The following EHD3 variants were observed in gnomAD, a reference collection of about 807,000 sequenced individuals.
EHD3 encodes EH domain containing 3, also known as EH domain-containing protein 3.
A neutral mutation model predicts 43.0 loss-of-function variants in EHD3; 17 were observed. The ratio of observed to expected loss-of-function variants is 0.40; its 90% CI spans 0.27 to 0.59. The LOEUF is 0.59. Ranked by LOEUF, EHD3 falls within the 20% of genes least tolerant of loss-of-function variation. The pLI is 0.49. For synonymous variants in EHD3, 313 were observed against 289.5 expected (o/e 1.08, Z -0.82); for missense variants, 594 against 705.6 (o/e 0.84, Z 1.79).
chr2:31,252,388 A>G (rs612500), intron 3 of EHD3, among the ~76,000 whole-genome samples: 22,365 of 152,214 alleles, frequency 0.15, 1,967 homozygotes, highest in African/African-American at 0.23. Flanking sequence ...TGTATGTGGC[A>G]GGCTGGTTCC....
In EHD3 at chr2:31,266,589, A is replaced by G. The variant is rs1683955837; in HGVS notation, c.1493A>G (p.Asp498Gly). 1 of 1,614,176 alleles carries G rather than the reference A, an allele frequency of 6.2e-7. No individual in the cohort carries two copies. Among genetic ancestry groups the G allele is most frequent in the Non-Finnish European group, 8.5e-7 (1 of 1,180,030 alleles). The change falls in exon 6 of 6, where the codon GAC (aspartate) becomes GGC (glycine). Residue 498 changes from aspartate (D) to glycine (G), a missense_variant. Asp to Gly is a moderately conservative substitution (Grantham distance 94, BLOSUM62 -1). Coordinates refer to ENST00000322054, the MANE Select transcript of EHD3 (RefSeq NM_014600.3). The surrounding 1 kb of genome is among the most constrained non-coding windows in gnomAD (Gnocchi z 5.1). ...ATTGACAAGGATGGCATGCTGGACG[A>G]CGACGAGTTTGCACTGGCCAACCAC... ...ADIDKDGMLD[D>G]DEFALANHLI... is the part of the protein sequence containing the mutation.
intron 1 of EHD3, among the ~76,000 whole-genome samples, chr2:31,241,922 A>G (rs1206729690): frequency 6.6e-6 from 1 of 152,206 alleles, no homozygotes; most frequent in African/African-American, 2.4e-5. Flanking sequence ...ACCAGGGGAA[A>G]TCCTGCCCTC....
intron 2 of EHD3, among the ~76,000 whole-genome samples, chr2:31,248,642 G>C (rs1683574726): frequency 6.6e-6 from 1 of 152,198 alleles, no homozygotes; most frequent in Admixed American, 6.5e-5. Context: ...GCTGGGGCTG[G>C]GATTCTGGCC....
At chr2:31,248,030 T>C (rs1024942858) in intron 2 of EHD3, among the ~76,000 whole-genome samples, 1 of 152,166 alleles carries the variant, frequency 6.6e-6, no homozygotes, top group Non-Finnish European at 1.5e-5. Context: ...GCCAGGCATG[T>C]CCATTGAAAC....
chr2:31,234,646 G>C lies in EHD3; in HGVS notation c.25G>C (p.Asp9His). 6.2e-7 allele frequency: 1 copy of C among 1,613,992 alleles called. No individual in the cohort carries two copies. Among genetic ancestry groups the C allele is most frequent in the Non-Finnish European group, 8.5e-7 (1 of 1,180,012 alleles). Residue 9 changes from aspartate (D) to histidine (H), a missense_variant, in exon 1 of 6, where the codon GAC becomes CAC. Asp to His is a moderately conservative substitution (Grantham distance 81, BLOSUM62 -1). This residue lies in a region of EHD3 where 243 missense variants were observed against 296.7 expected (regional missense o/e 0.82). Coordinates refer to ENST00000322054, the MANE Select transcript of EHD3 (RefSeq NM_014600.3). ...GATGTTCAGCTGGCTGGGTACGGAC[G>C]ACCGCCGGAGGAAGGACCCCGAGGT... Reference protein sequence around the residue: MFSWLGTDDRRRKDPEVFQ... With the variant: MFSWLGTDHRRRKDPEVFQ...
chr2:31,261,055 G>A, intron 4 of EHD3, 133 bp downstream of exon 4: 1 of 1,024,588 alleles, frequency 9.8e-7, no homozygotes. Flanking sequence ...GGACAGTGCG[G>A]GAGCCATGGT....
chr2:31,263,973 A>G (rs1388482976), intron 5 of EHD3, among the ~76,000 whole-genome samples: 3 of 152,218 alleles, frequency 2.0e-5, no homozygotes, highest in African/African-American at 4.8e-5. Context: ...TGAAGGCAAG[A>G]GGAGCTCTTT....
rs757688413 is a variant in EHD3, at chr2:31,234,577, G to A, written c.-45G>A. ...CTACGGGACATCTTCCCCTGAGGAG[G>A]AGTCTTCCCCTGGGGCTGCGTGCCG... On this transcript the variant is annotated 5_prime_UTR_variant, in exon 1 of 6. Coordinates refer to ENST00000322054, the MANE Select transcript of EHD3 (RefSeq NM_014600.3). The A allele has an allele frequency of 6.2e-7, 1 of 1,602,606 alleles. No homozygotes were observed. The highest frequency in any genetic ancestry group is 8.5e-7 in the Non-Finnish European group (1 of 1,173,076).
chr2:31,249,288 G>C, intron 2 of EHD3, 83 bp from the exon 3 acceptor site: 2 of 1,262,882 alleles, frequency 1.6e-6, no homozygotes, highest in South Asian at 2.5e-5. Flanking sequence ...TCACCTGAGA[G>C]AGACAAGACA....
chr2:31,255,330 G>A (rs1466735198), intron 3 of EHD3, among the ~76,000 whole-genome samples: 3 of 152,228 alleles, frequency 2.0e-5, no homozygotes, highest in African/African-American at 4.8e-5. Flanking sequence ...TGGGACCAGA[G>A]AGGGGAAGGG....
intron 1 of EHD3, among the ~76,000 whole-genome samples, chr2:31,236,677 C>T (rs1364610506): frequency 6.6e-6 from 1 of 152,248 alleles, no homozygotes; most frequent in Non-Finnish European, 1.5e-5. Context: ...ACCTTTCATA[C>T]ATTATCTGTA....
At position 31,249,588 on chromosome 2, in the gene EHD3, T is replaced by C. The variant is rs879396238; in HGVS notation, c.502+120T>C. On this transcript the variant is annotated intron_variant, in intron 3 of 5. Transcript: ENST00000322054. ...CTGTCCCTTGGTGAGCCGGCACTTCTCCTGTGCTGTGTGGGATCATTTTAC... is the reference window on the plus strand; with the variant it reads ...CTGTCCCTTGGTGAGCCGGCACTTCCCCTGTGCTGTGTGGGATCATTTTAC... 30 of 868,102 alleles carry C rather than the reference T, an allele frequency of 3.5e-5. No individual in the cohort carries two copies. The East Asian group carries it at 6.9e-4, about 20-fold the overall frequency. 53.8% of individuals were successfully genotyped at this position (868,102 alleles called of 1,614,324 possible). A position where few individuals can be genotyped will look rare whatever the true frequency, so the allele number is the denominator to read the frequency against.
At position 31,266,358 on chromosome 2, in the gene EHD3, C is replaced by T; in HGVS notation, c.1262C>T (p.Pro421Leu). 3 of 1,614,172 alleles carry T rather than the reference C, an allele frequency of 1.9e-6. No individual in the cohort carries two copies. Among genetic ancestry groups the T allele is most frequent in the South Asian group, 2.2e-5 (2 of 91,084 alleles). Residue 421 changes from proline (P) to leucine (L), a missense_variant, in exon 6 of 6, where the codon CCC becomes CTC. Around this residue, in one of 3 missense-constraint regions of EHD3, gnomAD observed 322 missense variants for 348.0 expected, o/e 0.93. Coordinates refer to ENST00000322054, the MANE Select transcript of EHD3 (RefSeq NM_014600.3). The surrounding 1 kb of genome is among the most constrained non-coding windows in gnomAD (Gnocchi z 5.1). ...GCGTTCGAGGGCACCCTGCACGGCC[C>T]CTTTGGGCATGGCTATGGGGAGGGG... is the stretch of plus-strand genomic sequence containing the variant. The part of the protein sequence containing the change: ...GGAFEGTLHG[P>L]FGHGYGEGAG...
intron 3 of EHD3, among the ~76,000 whole-genome samples, chr2:31,259,313 A>C (rs912853256): frequency 1.1e-4 from 17 of 152,114 alleles, no homozygotes; most frequent in African/African-American, 4.1e-4. Context: ...CCCTTCGACA[A>C]ATCACTTGAC....
rs1008610027 is a variant in EHD3 at position 31,260,069 on chromosome 2, C to T, written c.503-441C>T. ...CACAAAAATTAGACGGGCATGGTGG[C>T]GCATGCCTGTAATCCCAGCTACTCG... On this transcript the variant is annotated intron_variant, in intron 3 of 5. Coordinates refer to ENST00000322054, the MANE Select transcript of EHD3 (RefSeq NM_014600.3). The surrounding 1 kb of genome is among the most constrained non-coding windows in gnomAD (Gnocchi z 4.6). Among the ~76,000 whole-genome samples, 3 of 152,090 alleles carry T rather than the reference C, an allele frequency of 2.0e-5. No homozygotes were observed. Among genetic ancestry groups the T allele is most frequent in the South Asian group, 4.1e-4 (2 of 4,822 alleles).
intron 3 of EHD3, among the ~76,000 whole-genome samples, chr2:31,251,916 G>A (rs1031947433): frequency 6.6e-6 from 1 of 152,154 alleles, no homozygotes; most frequent in Non-Finnish European, 1.5e-5. Flanking sequence ...CTGCGTTTAA[G>A]CCTGAAGGGG....
At position 31,234,220 on chromosome 2, in the gene EHD3, G is replaced by A. The variant is rs1056246672; in HGVS notation, c.-402G>A. The A allele has an allele frequency of 3.2e-5, 8 of 252,812 alleles. No individual in the cohort carries two copies. The highest frequency in any genetic ancestry group is 5.4e-5 in the Admixed American group (1 of 18,614). 15.7% of individuals were successfully genotyped at this position (252,812 alleles called of 1,614,324 possible). A position where few individuals can be genotyped will look rare whatever the true frequency, so the allele number is the denominator to read the frequency against. On this transcript the variant is annotated 5_prime_UTR_variant, in exon 1 of 6. Coordinates refer to ENST00000322054, the MANE Select transcript of EHD3 (RefSeq NM_014600.3). ...CGTCTCCCCTGAGCCGCCTCGGTCC[G>A]GCAGGAGCGGAGCCGAAGCATCCCT...
In EHD3 at chr2:31,260,890, A is replaced by C; in HGVS notation, c.883A>C (p.Asn295His). Residue 295 changes from asparagine (N) to histidine (H), a missense_variant, in exon 4 of 6, where the codon AAC (asparagine) becomes CAC (histidine). Around this residue, in one of 3 missense-constraint regions of EHD3, gnomAD observed 322 missense variants for 348.0 expected, o/e 0.93. Transcript: ENST00000322054. This position sits in a 1 kb window ranked among gnomAD's most constrained non-coding sequence, Gnocchi z 4.6. ...LPRNAALRKLNDLIKRARLAK... is the reference protein window; with the variant it reads ...LPRNAALRKLHDLIKRARLAK... ...CCGAAATGCTGCCCTGCGCAAGCTC[A>C]ACGACCTCATCAAAAGGGCCAGGCT... 6.2e-7 allele frequency: 1 copy of C among 1,612,900 alleles called. No individual in the cohort carries two copies. Among genetic ancestry groups the C allele is most frequent in the Non-Finnish European group, 8.5e-7 (1 of 1,179,388 alleles).
intron 1 of EHD3, among the ~76,000 whole-genome samples, chr2:31,235,627 A>C (rs999833573): frequency 5.9e-5 from 9 of 152,330 alleles, no homozygotes; most frequent in Admixed American, 5.9e-4. Flanking sequence ...TGGGCAGCAG[A>C]CCTGGGATGT....
Sources: gnomAD v4.1 joint callset for allele counts (sites outside exome capture counted in the v4.1 genomes callset) on GRCh38, gnomAD v4.1.1 for gene constraint, gnomAD v4.1.1 regional missense constraint, Gnocchi (gnomAD v3.1) non-coding constraint, MANE v1.5 for transcripts, NCBI Gene and HGNC (gene_info 2026-07-23, HGNC 2026-07-21) for gene names.